Variants in MITF observed in about 807,000 individuals in gnomAD.
The protein encoded by MITF is melanocyte inducing transcription factor, also known as microphthalmia-associated transcription factor.
MITF carries 17 observed loss-of-function variants against 60.5 expected under a neutral mutation model. That is an observed-to-expected ratio of 0.28 (90% CI 0.19 to 0.42). The LOEUF (loss-of-function observed/expected upper bound fraction) is 0.42. Ranked by LOEUF, MITF falls within the 10% of genes least tolerant of loss-of-function variation. MITF has a pLI of 1.00. For synonymous variants in MITF, 260 were observed against 248.5 expected (o/e 1.05, Z -0.43); for missense variants, 622 against 683.5 (o/e 0.91, Z 1.00).
chr3:69,780,037 A>G (rs561151494), intron 1 of MITF, among the ~76,000 whole-genome samples: 1 of 152,324 alleles, frequency 6.6e-6, no homozygotes, highest in East Asian at 1.9e-4. Flanking sequence ...TATGGGGCTG[A>G]TAAGAGAAGC....
intron 2 of MITF, among the ~76,000 whole-genome samples, chr3:69,912,996 GT>G (rs1462757323): frequency 6.6e-6 from 1 of 152,102 alleles, no homozygotes; most frequent in African/African-American, 2.4e-5. Flanking sequence ...GGAACATTTG[GT>G]GGCTGCTTTT....
intron 1 of MITF, among the ~76,000 whole-genome samples, chr3:69,816,983 C>T (rs1353940406): frequency 3.3e-5 from 5 of 152,152 alleles, no homozygotes; most frequent in African/African-American, 1.2e-4. Context: ...AGACACTCTT[C>T]CTTTTCACTG....
At chr3:69,881,898 T>C (rs1448531269) in intron 2 of MITF, among the ~76,000 whole-genome samples, 1 of 152,160 alleles carries the variant, frequency 6.6e-6, no homozygotes, top group Non-Finnish European at 1.5e-5. Flanking sequence ...AAACAGAACA[T>C]GCCTGCTTCT....
chr3:69,963,970 C>CTTTT (rs56921812), intron 9 of MITF, among the ~76,000 whole-genome samples: 1,043 of 86,084 alleles, frequency 0.012, 30 homozygotes, highest in Non-Finnish European at 0.015. Context: ...TTTTTCTTTT[C>CTTTT]TTTTTTTTTT....
chr3:69,929,124 C>T (rs2065658297), intron 2 of MITF, among the ~76,000 whole-genome samples: 1 of 152,062 alleles, frequency 6.6e-6, no homozygotes, highest in African/African-American at 2.4e-5. Flanking sequence ...GGTCAGAATC[C>T]TAGCCTACAA....
At chr3:69,893,642 G>T (rs1376136337) in intron 2 of MITF, among the ~76,000 whole-genome samples, 3 of 152,058 alleles carry the variant, frequency 2.0e-5, no homozygotes, top group Non-Finnish European at 4.4e-5. Flanking sequence ...TTAATGCTTT[G>T]GTAAAAGATT....
rs146200323 is a variant in MITF, at chr3:69,822,305, A to C, written c.105-56829A>C. On this transcript the variant is annotated intron_variant, in intron 1 of 9. Coordinates refer to ENST00000352241, the MANE Select transcript of MITF (RefSeq NM_001354604.2). ...GCCCACCAACCCTGCAATATTTGCT[A>C]TCTGGCCCTTTACCTACAAAGCTTG... Among the ~76,000 whole-genome samples the C allele has an allele frequency of 6.4e-4, 98 of 152,336 alleles. 3 individuals carry two copies. In the East Asian group the frequency reaches 0.01, roughly 16 times the overall value.
intron 2 of MITF, among the ~76,000 whole-genome samples, chr3:69,930,619 T>G (rs1261809533): frequency 6.6e-6 from 1 of 152,242 alleles, no homozygotes; most frequent in Non-Finnish European, 1.5e-5. Flanking sequence ...AAGCAATATT[T>G]GTTGATTGAA....
chr3:69,921,020 A>G (rs1357394471), intron 2 of MITF, among the ~76,000 whole-genome samples: 1 of 152,192 alleles, frequency 6.6e-6, no homozygotes, highest in East Asian at 1.9e-4. Context: ...GGCACACGCC[A>G]CCATGCCCAG....
At chr3:69,764,464 T>C (rs1344788319) in intron 1 of MITF, among the ~76,000 whole-genome samples, 1 of 152,252 alleles carries the variant, frequency 6.6e-6, no homozygotes, top group Non-Finnish European at 1.5e-5. Context: ...TTTCAAGTAC[T>C]GTAGGAACAT....
chr3:69,888,732 G>A (rs1000032955), intron 2 of MITF, among the ~76,000 whole-genome samples: 3 of 152,086 alleles, frequency 2.0e-5, no homozygotes, highest in African/African-American at 7.2e-5. Flanking sequence ...ATTGTGCAGC[G>A]ATGGAAATGC....
At chr3:69,949,968 T>C (rs1304839154) in intron 6 of MITF, among the ~76,000 whole-genome samples, 1 of 152,134 alleles carries the variant, frequency 6.6e-6, no homozygotes, top group African/African-American at 2.4e-5. Context: ...CAGTCAAGGA[T>C]GTCTTAAAAA....
intron 1 of MITF, among the ~76,000 whole-genome samples, chr3:69,796,401 TA>T (rs1204763671): frequency 3.3e-5 from 5 of 152,098 alleles, no homozygotes; most frequent in Non-Finnish European, 7.4e-5. Context: ...TTTTAGTGCC[TA>T]TGAGGAATTT....
chr3:69,747,240 C>A (rs2106756583), intron 1 of MITF, among the ~76,000 whole-genome samples: 1 of 152,228 alleles, frequency 6.6e-6, no homozygotes, highest in African/African-American at 2.4e-5. Flanking sequence ...AATACATGAG[C>A]AAGATGAGTT....
chr3:69,865,482 A>T (rs529731795), intron 1 of MITF, among the ~76,000 whole-genome samples: 3 of 152,310 alleles, frequency 2.0e-5, no homozygotes, highest in African/African-American at 7.2e-5. Context: ...TCTGCATTTT[A>T]AAGTGTTTTT....
intron 1 of MITF, among the ~76,000 whole-genome samples, chr3:69,877,686 G>A (rs1575865236): frequency 1.3e-5 from 2 of 152,084 alleles, no homozygotes; most frequent in African/African-American, 4.8e-5. Flanking sequence ...TAGCGTGAGG[G>A]TAAAACCAAT....
At chr3:69,829,528 C>T (rs916086403) in intron 1 of MITF, among the ~76,000 whole-genome samples, 5 of 152,108 alleles carry the variant, frequency 3.3e-5, no homozygotes, top group African/African-American at 9.7e-5. Context: ...GTTCAGCCAT[C>T]GTTTATTGAG....
chr3:69,938,060 T>C lies in MITF; in HGVS notation c.582+11T>C, dbSNP rs1435903663. The C allele has an allele frequency of 3.1e-5, 49 of 1,605,204 alleles. No homozygotes were observed. Among genetic ancestry groups the C allele is most frequent in the Non-Finnish European group, 4.0e-5 (47 of 1,172,174 alleles). ...AACTGTGAAAAAGAGGTAATTCATGTCTCCTCTCCTCTCCTGTTTTCTTAT... is the reference window on the plus strand; with the variant it reads ...AACTGTGAAAAAGAGGTAATTCATGCCTCCTCTCCTCTCCTGTTTTCTTAT... On this transcript the variant is annotated intron_variant, in intron 3 of 9. Coordinates refer to ENST00000352241, the MANE Select transcript of MITF (RefSeq NM_001354604.2).
chr3:69,834,302 G>C (rs2063503914), intron 1 of MITF, among the ~76,000 whole-genome samples: 1 of 152,072 alleles, frequency 6.6e-6, no homozygotes, highest in Non-Finnish European at 1.5e-5. Context: ...TCACTAACCT[G>C]TCCCTATCCT....
Sources: gnomAD v4.1 joint callset for allele counts (sites outside exome capture counted in the v4.1 genomes callset) on GRCh38, gnomAD v4.1.1 for gene constraint, MANE v1.5 for transcripts, NCBI Gene and HGNC (gene_info 2026-07-23, HGNC 2026-07-21) for gene names.